The following AP1G1 variants were observed in gnomAD, a reference collection of about 807,000 sequenced individuals.
The protein encoded by AP1G1 is AP-1 complex subunit gamma-1.
A neutral mutation model predicts 108.3 loss-of-function variants in AP1G1; 7 were observed. The observed-to-expected ratio is 0.06, with a 90% CI of 0.04 to 0.12. The LOEUF (loss-of-function observed/expected upper bound fraction) is 0.12, where lower values mean the gene tolerates loss of function less well. Ranked by LOEUF, AP1G1 falls within the 10% of genes least tolerant of loss-of-function variation. The probability of loss-of-function intolerance (pLI) is 1.00; values close to 1 mark genes in which losing one functional copy is unlikely to be tolerated. For synonymous variants in AP1G1, 379 were observed against 353.5 expected (o/e 1.07, Z -0.81); for missense variants, 756 against 1,010.7 (o/e 0.75, Z 3.42).
At chr16:71,782,466 A>AATTATTATT (rs112080769) in intron 2 of AP1G1, among the ~76,000 whole-genome samples, 5,223 of 148,918 alleles carry the variant, frequency 0.035, 297 homozygotes, top group African/African-American at 0.12. Flanking sequence ...CCCAGCCTAC[A>AATTATTATT]ATTATTATTA....
rs916619083 is a variant in AP1G1 at position 71,732,128 on chromosome 16, G to A, written c.*930C>T. 12 of 152,198 alleles carry A rather than the reference G, an allele frequency of 7.9e-5. No individual in the cohort carries two copies. Among genetic ancestry groups the A allele is most frequent in the African/African-American group, 2.9e-4 (12 of 41,430 alleles). 9.4% of individuals were successfully genotyped at this position (152,198 alleles called of 1,614,324 possible). On this transcript the variant is annotated 3_prime_UTR_variant, in exon 23 of 23. Transcript: ENST00000299980. ...CCACCCATTACCATAGTTCAAACAG[G>A]CAAGTTATGGGCTTAGGAGCACTTT...
intron 1 of AP1G1, among the ~76,000 whole-genome samples, chr16:71,793,076 G>A (rs996616430): frequency 6.6e-6 from 1 of 151,618 alleles, no homozygotes; most frequent in Non-Finnish European, 1.5e-5. Context: ...GGCTGAGGTG[G>A]GAGGATGACC....
intron 12 of AP1G1, 96 bp downstream of exon 12, chr16:71,755,923 C>T (rs1412393663): frequency 9.6e-6 from 13 of 1,359,348 alleles, no homozygotes; most frequent in African/African-American, 1.5e-5. Flanking sequence ...AGACTGCAGG[C>T]GTGTGCCACC....
rs774153086 is a variant in AP1G1 at position 71,746,668 on chromosome 16, G to T, written c.1650C>A (p.Ile550=). 1 of 1,611,934 alleles carries T rather than the reference G, an allele frequency of 6.2e-7. No homozygotes were observed. The highest frequency in any genetic ancestry group is 1.3e-5 in the African/African-American group (1 of 74,892). ...GTTCCACATCAATGCTGCTTCCGTA[G>T]ATGGAAACCACTTTCTTAATTCGGC... ...TVNRIKKVVS[I]YGSSIDVELQ... is the part of the protein sequence containing the mutation. Residue 550 remains isoleucine (I), a synonymous_variant, in exon 17 of 23, where the codon ATC becomes ATA. Transcript: ENST00000299980.
At chr16:71,755,674 C>A (rs2030746441) in intron 12 of AP1G1, among the ~76,000 whole-genome samples, 1 of 151,362 alleles carries the variant, frequency 6.6e-6, no homozygotes, top group African/African-American at 2.4e-5. Context: ...GAGATGGAGT[C>A]TTGCTCTGTC....
chr16:71,739,288 G>C lies in AP1G1; in HGVS notation c.2053C>G (p.Pro685Ala). Residue 685 changes from proline (P) to alanine (A), a missense_variant, in exon 20 of 23, where the codon CCC becomes GCC. This residue lies in a region of AP1G1 where 357 missense variants were observed against 366.5 expected (regional missense o/e 0.97). Coordinates refer to ENST00000299980, the MANE Select transcript of AP1G1 (RefSeq NM_001128.6). The part of the protein sequence containing the change: ...PASVPQISQP[P>A]FLLDGLSSQP... ...GATGAAAGCCCATCCAACAAGAAGGGGGGCTGGGATATCTGTGGGACTGAG... is the reference window on the plus strand; with the variant it reads ...GATGAAAGCCCATCCAACAAGAAGGCGGGCTGGGATATCTGTGGGACTGAG... The C allele has an allele frequency of 1.2e-6, 2 of 1,612,784 alleles. No individual in the cohort carries two copies. Among genetic ancestry groups the C allele is most frequent in the Non-Finnish European group, 1.7e-6 (2 of 1,179,722 alleles).
At chr16:71,737,230 A>AGTTCT (rs2045561277) in intron 21 of AP1G1, among the ~76,000 whole-genome samples, 1 of 152,110 alleles carries the variant, frequency 6.6e-6, no homozygotes, top group Non-Finnish European at 1.5e-5. Context: ...ATCCAAACAG[A>AGTTCT]ATGGCTCTAG....
chr16:71,741,243 T>C (rs1436404574), intron 19 of AP1G1, among the ~76,000 whole-genome samples: 1 of 152,054 alleles, frequency 6.6e-6, no homozygotes, highest in African/African-American at 2.4e-5. Context: ...TTTAAGAAAT[T>C]GACAGCAAGA....
intron 2 of AP1G1, among the ~76,000 whole-genome samples, chr16:71,781,799 T>G (rs75218563): frequency 2.6e-5 from 4 of 152,180 alleles, no homozygotes; most frequent in Non-Finnish European, 4.4e-5. Context: ...AATACTCTTA[T>G]ACATACATGT....
Position 71,734,672 on chromosome 16 carries a change from G to A in AP1G1, c.2304C>T (p.Ser768=), listed in dbSNP as rs2045512091. The change falls in exon 22 of 23, where the codon AGC becomes AGT. Residue 768 remains serine, a synonymous_variant. Transcript: ENST00000299980. ...TCCCCGTGTTAAATGCTGGGACAATGCTGCTGCTAGGAGACAAGAGCTGCA... is the reference window on the plus strand; with the variant it reads ...TCCCCGTGTTAAATGCTGGGACAATACTGCTGCTAGGAGACAAGAGCTGCA... ...FQLQLLSPSS[S]IVPAFNTGTI... is the part of the protein sequence containing the mutation. The A allele has an allele frequency of 1.9e-6, 3 of 1,614,056 alleles. No homozygotes were observed. The highest frequency in any genetic ancestry group is 2.5e-6 in the Non-Finnish European group (3 of 1,179,932).
At chr16:71,775,354 A>G (rs1162317444) in intron 2 of AP1G1, among the ~76,000 whole-genome samples, 4 of 152,156 alleles carry the variant, frequency 2.6e-5, no homozygotes, top group Non-Finnish European at 5.9e-5. Flanking sequence ...TCTTTTTAGA[A>G]GGCAAAGATT....
At chr16:71,737,672 T>TA (rs781760261) in intron 21 of AP1G1, among the ~76,000 whole-genome samples, 3 of 151,962 alleles carry the variant, frequency 2.0e-5, no homozygotes, top group East Asian at 1.9e-4. Context: ...GGGGAAAAAA[T>TA]AAAAAAAGAC....
chr16:71,775,917 CT>C (rs1412904297), intron 2 of AP1G1, among the ~76,000 whole-genome samples: 5 of 152,138 alleles, frequency 3.3e-5, no homozygotes, highest in African/African-American at 1.2e-4. Flanking sequence ...TCTACTTTGC[CT>C]TTCTTGAACC....
At chr16:71,760,336 A>C (rs180706740) in intron 10 of AP1G1, among the ~76,000 whole-genome samples, 84 of 149,974 alleles carry the variant, frequency 5.6e-4, no homozygotes, top group African/African-American at 1.7e-3. Flanking sequence ...TAAGGTTAGG[A>C]GTTAAAGACC....
At chr16:71,780,563 T>C (rs1313615869) in intron 2 of AP1G1, among the ~76,000 whole-genome samples, 2 of 151,750 alleles carry the variant, frequency 1.3e-5, no homozygotes, top group African/African-American at 2.4e-5. Flanking sequence ...AAACATGCAA[T>C]TGAAATTCTG....
rs558642835 is a variant in AP1G1, at chr16:71,779,356, G to C, written c.202-4764C>G. Among the ~76,000 whole-genome samples the C allele has an allele frequency of 4.5e-4, 68 of 151,668 alleles. 1 individual carries two copies. The highest frequency in any genetic ancestry group is 2.6e-3 in the Admixed American group (40 of 15,222). On this transcript the variant is annotated intron_variant, in intron 2 of 22. Transcript: ENST00000299980. Reference sequence around the variant, plus strand: ...TATGACTCTCTTTTTTGGGGAGTAGGGGGGAGAGTCTCACTCTGACACCCA... The same window carrying C: ...TATGACTCTCTTTTTTGGGGAGTAGCGGGGAGAGTCTCACTCTGACACCCA...
chr16:71,751,087 C>T (rs1327138317), intron 13 of AP1G1, among the ~76,000 whole-genome samples: 4 of 149,342 alleles, frequency 2.7e-5, no homozygotes, highest in African/African-American at 7.4e-5. Context: ...CCCAGGAGGC[C>T]GAGCTTGCAG....
In AP1G1 at chr16:71,789,317, A is replaced by G. The variant is rs1161858615; in HGVS notation, c.163T>C (p.Tyr55His). 1 of 1,614,100 alleles carries G rather than the reference A, an allele frequency of 6.2e-7. No homozygotes were observed. The highest frequency in any genetic ancestry group is 2.2e-5 in the East Asian group (1 of 44,898). Residue 55 changes from tyrosine (Y) to histidine (H), a missense_variant, in exon 2 of 23, where the codon TAT becomes CAT. Physicochemically the swap from Tyr to His is moderately conservative, Grantham distance 83 (BLOSUM62 2). This residue lies in a region of AP1G1 where 304 missense variants were observed against 483.6 expected (regional missense o/e 0.63). Transcript: ENST00000299980. Reference sequence around the variant, plus strand: ...GCAGGGTAGCCCAGCATGTGCATATACAGTAATTTTGCCACATTCCGACAT... The same window carrying G: ...GCAGGGTAGCCCAGCATGTGCATATGCAGTAATTTTGCCACATTCCGACAT... ...YRCRNVAKLL[Y>H]MHMLGYPAHF...
chr16:71,764,597 C>A (rs753073617), intron 8 of AP1G1, 49 bp downstream of exon 8: 8 of 1,418,944 alleles, frequency 5.6e-6, no homozygotes, highest in South Asian at 1.3e-5. Flanking sequence ...TCATTCTACT[C>A]CCAGCGAAAC....
Sources: gnomAD v4.1 joint callset for allele counts (sites outside exome capture counted in the v4.1 genomes callset) on GRCh38, gnomAD v4.1.1 for gene constraint, gnomAD v4.1.1 regional missense constraint, MANE v1.5 for transcripts, NCBI Gene and HGNC (gene_info 2026-07-23, HGNC 2026-07-21) for gene names.